The following ARHGEF10 variants were observed in gnomAD, a reference collection of about 807,000 sequenced individuals.
The protein encoded by ARHGEF10 is Rho guanine nucleotide exchange factor 10, also known as Rho guanine nucleotide exchange factor (GEF) 10.
In ARHGEF10, 140 loss-of-function variants were observed where a neutral mutation model predicts 147.4. The ratio of observed to expected loss-of-function variants is 0.95; its 90% CI spans 0.83 to 1.09. The LOEUF (loss-of-function observed/expected upper bound fraction) is 1.09, where lower values mean the gene tolerates loss of function less well. Ranked by LOEUF, ARHGEF10 falls within the 50% of genes least tolerant of loss-of-function variation. The pLI is 0.00. For synonymous variants in ARHGEF10, 902 were observed against 695.8 expected (o/e 1.30, Z -4.67); for missense variants, 2,222 against 1,752.7 (o/e 1.27, Z -4.78).
intron 7 of ARHGEF10, chr8:1,870,051 G>A (rs1806970604): frequency 6.5e-6 from 1 of 153,192 alleles, no homozygotes; most frequent in Non-Finnish European, 1.5e-5. Context: ...GGGAGCCCGG[G>A]AAGTGTCGGG....
chr8:1,825,658 G>T (rs1802729743), intron 1 of ARHGEF10, among the ~76,000 whole-genome samples: 1 of 152,038 alleles, frequency 6.6e-6, no homozygotes, highest in Non-Finnish European at 1.5e-5. Context: ...GGTGAGGTCT[G>T]AGTACCCCTC....
chr8:1,953,562 AT>A (rs1476819342), intron 28 of ARHGEF10, among the ~76,000 whole-genome samples: 2 of 152,396 alleles, frequency 1.3e-5, no homozygotes, highest in Non-Finnish European at 2.9e-5. Flanking sequence ...AATCCAGGGA[AT>A]TGGCCCAGGA....
rs1325183587 is a variant in ARHGEF10 at position 1,866,443 on chromosome 8, AC to A, written c.546-82del. The A allele has an allele frequency of 7.1e-5, 76 of 1,076,666 alleles. No homozygotes were observed. In the African/African-American group the frequency reaches 1.1e-3, roughly 15 times the overall value. The allele number at this position is 1,076,666 out of a possible 1,614,324, so 66.7% of individuals were successfully genotyped here. A position where few individuals can be genotyped will look rare whatever the true frequency, so the allele number is the denominator to read the frequency against. On this transcript the variant is annotated intron_variant, in intron 5 of 28. Coordinates refer to ENST00000349830, the MANE Select transcript of ARHGEF10 (RefSeq NM_014629.4). ...TTCTGACACACACACACACACACACACACACACTCTGCAGGGCAGTTGGCAT... is the reference window on the plus strand; with the variant it reads ...TTCTGACACACACACACACACACACAACACACTCTGCAGGGCAGTTGGCAT...
intron 11 of ARHGEF10, among the ~76,000 whole-genome samples, chr8:1,888,220 TGCGAGGAGACAG>T (rs1808930746): frequency 1.5e-5 from 1 of 68,594 alleles, no homozygotes; most frequent in African/African-American, 7.3e-5. Context: ...GGGCGAGGGT[TGCGAGGAGACAG>T]TGAGTGTGGT....
At chr8:1,953,448 A>T (rs17683365) in intron 28 of ARHGEF10, among the ~76,000 whole-genome samples, 66 of 152,246 alleles carry the variant, frequency 4.3e-4, no homozygotes, top group African/African-American at 1.5e-3. Context: ...TGCTATTGCA[A>T]TGTCAGTAAG....
chr8:1,938,163 CTT>C (rs201505880), intron 26 of ARHGEF10, among the ~76,000 whole-genome samples: 1,637 of 152,294 alleles, frequency 0.011, 17 homozygotes, highest in Middle Eastern at 0.02. Context: ...GGAAGTATCT[CTT>C]TTTCTCCAAC....
rs1815734761 is a variant in ARHGEF10 at position 1,958,289 on chromosome 8, A to G, written c.*1026A>G. On this transcript the variant is annotated 3_prime_UTR_variant, in exon 29 of 29. Transcript: ENST00000349830. Reference sequence around the variant, plus strand: ...TCTGTTGTGCAGACGCCTCCTCTGCAGAACGCATCAGTTTCTATTCTGCAG... The same window carrying G: ...TCTGTTGTGCAGACGCCTCCTCTGCGGAACGCATCAGTTTCTATTCTGCAG... The G allele has an allele frequency of 6.6e-6, 1 of 152,250 alleles. No individual in the cohort carries two copies. The highest frequency in any genetic ancestry group is 1.5e-5 in the Non-Finnish European group (1 of 68,054). The allele number at this position is 152,250 out of a possible 1,614,324, so 9.4% of individuals were successfully genotyped here. A position where few individuals can be genotyped will look rare whatever the true frequency, so the allele number is the denominator to read the frequency against.
chr8:1,869,172 TG>T (rs770203481), intron 6 of ARHGEF10, 21 bp from the exon 7 acceptor site: 13 of 1,609,020 alleles, frequency 8.1e-6, no homozygotes, highest in Non-Finnish European at 1.0e-5. Flanking sequence ...CTGTTTAAAG[TG>T]TTTCTCCCCG....
chr8:1,934,381 A>G (rs926565887), intron 26 of ARHGEF10, among the ~76,000 whole-genome samples: 4 of 150,178 alleles, frequency 2.7e-5, no homozygotes, highest in African/African-American at 9.8e-5. Context: ...AAGGAAAGGG[A>G]AAGAAAATTC....
intron 16 of ARHGEF10, among the ~76,000 whole-genome samples, chr8:1,904,586 G>A (rs928430297): frequency 2.0e-5 from 3 of 152,148 alleles, no homozygotes; most frequent in African/African-American, 7.2e-5. Context: ...TGCTCCCTGT[G>A]GCACTTGAAC....
At position 1,881,533 on chromosome 8, in the gene ARHGEF10, T is replaced by C. The variant is rs1235313910; in HGVS notation, c.961-1102T>C. Among the ~76,000 whole-genome samples the C allele has an allele frequency of 2.6e-5, 4 of 151,786 alleles. No homozygotes were observed. The East Asian group carries it at 7.7e-4, about 29-fold the overall frequency. On this transcript the variant is annotated intron_variant, in intron 9 of 28. Coordinates refer to ENST00000349830, the MANE Select transcript of ARHGEF10 (RefSeq NM_014629.4). ...GAAATGGCAGCAGGACATGGTCCCATGTGGGGTTGGGAGATGCAGGAGCAG... is the reference window on the plus strand; with the variant it reads ...GAAATGGCAGCAGGACATGGTCCCACGTGGGGTTGGGAGATGCAGGAGCAG...
rs368763363 is a variant in ARHGEF10 at position 1,845,872 on chromosome 8, G to A, written c.37+2436G>A. On this transcript the variant is annotated intron_variant, in intron 2 of 28. Transcript: ENST00000349830. ...TGGCCTCTGATGGAGGCAGGACTGG[G>A]GGTGCCCAGGGTTCCCTGCAGCAGG... Among the ~76,000 whole-genome samples, 42 of 152,340 alleles carry A rather than the reference G, an allele frequency of 2.8e-4. 1 individual carries two copies. The East Asian group carries it at 7.4e-3, about 27-fold the overall frequency.
intron 18 of ARHGEF10, among the ~76,000 whole-genome samples, chr8:1,914,759 CT>C (rs1260145984): frequency 6.6e-6 from 1 of 152,214 alleles, no homozygotes; most frequent in Non-Finnish European, 1.5e-5. Flanking sequence ...GAGGCCAGGA[CT>C]CGGCGCTGGT....
At chr8:1,907,457 C>T (rs754126998) in intron 17 of ARHGEF10, among the ~76,000 whole-genome samples, 1 of 152,188 alleles carries the variant, frequency 6.6e-6, no homozygotes, top group African/African-American at 2.4e-5. Flanking sequence ...CGGCAAAGTC[C>T]TAAGCAAATA....
At chr8:1,953,496 C>G (rs935410335) in intron 28 of ARHGEF10, among the ~76,000 whole-genome samples, 2 of 152,250 alleles carry the variant, frequency 1.3e-5, no homozygotes, top group Non-Finnish European at 2.9e-5. Flanking sequence ...TGGACACAGT[C>G]CCGTTAGGGA....
At chr8:1,827,911 T>G (rs1218079527) in intron 1 of ARHGEF10, among the ~76,000 whole-genome samples, 1 of 152,206 alleles carries the variant, frequency 6.6e-6, no homozygotes, top group Non-Finnish European at 1.5e-5. Context: ...TGGGGAAGCA[T>G]GCAGGTTGTT....
intron 2 of ARHGEF10, among the ~76,000 whole-genome samples, chr8:1,854,039 G>A (rs1805359377): frequency 6.6e-6 from 1 of 152,240 alleles, no homozygotes. Context: ...ACCTGTCAGG[G>A]CTGGTGTCAG....
intron 2 of ARHGEF10, among the ~76,000 whole-genome samples, chr8:1,849,059 G>GTGAT (rs1284555267): frequency 2.0e-5 from 3 of 152,114 alleles, no homozygotes; most frequent in Non-Finnish European, 4.4e-5. Flanking sequence ...AGTCAGTGCT[G>GTGAT]GTCACCCCTA....
At chr8:1,846,767 G>C (rs895237440) in intron 2 of ARHGEF10, among the ~76,000 whole-genome samples, 1 of 152,220 alleles carries the variant, frequency 6.6e-6, no homozygotes, top group South Asian at 2.1e-4. Context: ...AGTAGAGACA[G>C]GGTTTCACCG....
Sources: allele counts gnomAD v4.1 joint callset (sites outside exome capture counted in the v4.1 genomes callset), GRCh38; gene constraint gnomAD v4.1.1; transcripts MANE v1.5; gene names NCBI Gene and HGNC (gene_info 2026-07-23, HGNC 2026-07-21).